POU2F2: variants seen among roughly 807,000 people sequenced by gnomAD.
The protein encoded by POU2F2 is POU class 2 homeobox 2, also known as POU domain, class 2, transcription factor 2.
A neutral mutation model predicts 63.5 loss-of-function variants in POU2F2; 14 were observed. The observed-to-expected ratio is 0.22, with a 90% CI of 0.15 to 0.34. POU2F2 has a LOEUF of 0.34. Ranked by LOEUF, POU2F2 falls within the 10% of genes least tolerant of loss-of-function variation. The pLI is 1.00. For missense variants in POU2F2, 607 were observed against 815.2 expected (o/e 0.74, Z 3.11); for synonymous variants, 306 against 348.6 (o/e 0.88, Z 1.36).
Position 42,153,576 on chromosome 19 carries a change from C to T in POU2F2, c.-9+6756G>A, listed in dbSNP as rs2034397003. 1.3e-5 allele frequency among the ~76,000 whole-genome samples: 2 copies of T among 152,252 alleles called. No homozygotes were observed. Among genetic ancestry groups the T allele is most frequent in the Non-Finnish European group, 1.5e-5 (1 of 68,014 alleles). ...CTGTGCCTGTGGGCAGCTGCGTGTGCTTCAGGGATCTGCGCGGTGGTCTCT... is the reference window on the plus strand; with the variant it reads ...CTGTGCCTGTGGGCAGCTGCGTGTGTTTCAGGGATCTGCGCGGTGGTCTCT... On this transcript the variant is annotated intron_variant, in intron 2 of 6. Coordinates refer to the POU2F2 transcript ENST00000524801. The surrounding 1 kb of genome is among the most constrained non-coding windows in gnomAD (Gnocchi z 5.6).
Position 42,099,809 on chromosome 19 carries a change from G to C in POU2F2, c.382C>G (p.Leu128Val). 6.4e-7 allele frequency: 1 copy of C among 1,568,060 alleles called. No homozygotes were observed. Among genetic ancestry groups the C allele is most frequent in the South Asian group, 1.2e-5 (1 of 86,248 alleles). The change falls in exon 6 of 15, where the codon CTC becomes GTC. Residue 128 changes from leucine (L) to valine (V), a missense_variant. Leu to Val is a conservative substitution (Grantham distance 32). This residue lies in a region of POU2F2 where 224 missense variants were observed against 264.3 expected (regional missense o/e 0.85). Transcript: ENST00000692977. ...GSQLAGDIQQ[L>V]LQLQQLVLVP... ...AGCACCAGCTGCTGGAGCTGGAGGA[G>C]CTGCTGTATGTCCTGGCAGGGAGTG...
intron 5 of POU2F2, among the ~76,000 whole-genome samples, chr19:42,111,735 C>T (rs760926851): frequency 6.6e-6 from 1 of 152,184 alleles, no homozygotes. Flanking sequence ...CCTCCTGGCT[C>T]AAGCCACCCT....
intron 2 of POU2F2, among the ~76,000 whole-genome samples, chr19:42,138,793 GA>G (rs564594735): frequency 2.8e-4 from 42 of 152,274 alleles, no homozygotes; most frequent in African/African-American, 9.4e-4. Flanking sequence ...AGTGAGAAGG[GA>G]AGCAGGGGGA....
rs189567823 is a variant in POU2F2 at position 42,111,436 on chromosome 19, C to T, written c.369+5814G>A. Among the ~76,000 whole-genome samples, 8 of 152,272 alleles carry T rather than the reference C, an allele frequency of 5.3e-5. No homozygotes were observed. The East Asian group carries it at 1.5e-3, about 29-fold the overall frequency. On this transcript the variant is annotated intron_variant, in intron 5 of 14. Transcript: ENST00000692977. ...GCCAAATTCATTCTCTTCCTGACAACTAACAACTTCCAGCTCCTGCCCAGA... is the reference window on the plus strand; with the variant it reads ...GCCAAATTCATTCTCTTCCTGACAATTAACAACTTCCAGCTCCTGCCCAGA...
intron 1 of POU2F2, among the ~76,000 whole-genome samples, chr19:42,175,534 G>A (rs947838339): frequency 9.2e-5 from 14 of 151,716 alleles, no homozygotes; most frequent in South Asian, 4.2e-4. Flanking sequence ...GATAAGGGAG[G>A]TAGAAAAAGA....
At chr19:42,101,507 C>T (rs1345168545) in intron 5 of POU2F2, among the ~76,000 whole-genome samples, 8 of 152,138 alleles carry the variant, frequency 5.3e-5, no homozygotes, top group Non-Finnish European at 1.2e-4. Flanking sequence ...AGGAGAGAGG[C>T]CTGGAACAGA....
At chr19:42,154,011 GCTC>G (rs2093837228) in intron 2 of POU2F2, among the ~76,000 whole-genome samples, 1 of 151,296 alleles carries the variant, frequency 6.6e-6, no homozygotes, top group Non-Finnish European at 1.5e-5. Flanking sequence ...CTGTACCTCT[GCTC>G]CTCAACACCC....
At chr19:42,109,839 A>G (rs555194956) in intron 5 of POU2F2, among the ~76,000 whole-genome samples, 1 of 152,210 alleles carries the variant, frequency 6.6e-6, no homozygotes, top group African/African-American at 2.4e-5. Context: ...CGAAGAAATG[A>G]TAAATATTTG....
At position 42,091,182 on chromosome 19, in the gene POU2F2, G is replaced by A; in HGVS notation, c.*75C>T. ...GAGGACCCTCTGCGTCCCCACCACT[G>A]GCCTCCTCGCCCTCTTCCCAGGCAA... On this transcript the variant is annotated 3_prime_UTR_variant, in exon 15 of 15. Transcript: ENST00000692977. The A allele has an allele frequency of 2.2e-6, 3 of 1,393,218 alleles. No homozygotes were observed. Among genetic ancestry groups the A allele is most frequent in the Non-Finnish European group, 2.8e-6 (3 of 1,053,704 alleles). The allele number at this position is 1,393,218 out of a possible 1,614,324, so 86.3% of individuals were successfully genotyped here. A position where few individuals can be genotyped will look rare whatever the true frequency, so the allele number is the denominator to read the frequency against.
chr19:42,090,204 AT>A lies in POU2F2; in HGVS notation c.*1052del, dbSNP rs79171838. 298 of 147,288 alleles carry A rather than the reference AT, an allele frequency of 2.0e-3. 1 individual carries two copies. Among genetic ancestry groups the A allele is most frequent in the Middle Eastern group, 3.6e-3 (1 of 280 alleles). The allele number at this position is 147,288 out of a possible 1,614,324, so 9.1% of individuals were successfully genotyped here. On this transcript the variant is annotated 3_prime_UTR_variant, in exon 15 of 15. Transcript: ENST00000692977. The surrounding 1 kb of genome is among the most constrained non-coding windows in gnomAD (Gnocchi z 4.4). ...CCCACGGATAGGCACTGGAATATGA[AT>A]TTTTTTTTTTTTCAGGGAAACAGAC...
chr19:42,102,591 CAA>C (rs879480456), intron 5 of POU2F2, among the ~76,000 whole-genome samples: 1 of 103,740 alleles, frequency 9.6e-6, no homozygotes. Context: ...ACCCCCATCT[CAA>C]AAAAAAAAAA....
chr19:42,106,819 A>AG, intron 5 of POU2F2, among the ~76,000 whole-genome samples: 1 of 150,722 alleles, frequency 6.6e-6, no homozygotes, highest in African/African-American at 2.4e-5. Context: ...GAGGAGGAGG[A>AG]GAAGGAGGAG....
upstream of POU2F2, among the ~76,000 whole-genome samples, chr19:42,196,935 G>A (rs956874976): frequency 6.6e-6 from 1 of 152,270 alleles, no homozygotes; most frequent in African/African-American, 2.4e-5. Flanking sequence ...AGAGAATGGG[G>A]TGGGGCCAAT....
At chr19:42,126,079 G>A (rs2146669498) in intron 1 of POU2F2, among the ~76,000 whole-genome samples, 1 of 152,274 alleles carries the variant, frequency 6.6e-6, no homozygotes, top group African/African-American at 2.4e-5. Flanking sequence ...TTGGAGATAG[G>A]GTCTTTAAAG....
rs1163700303 is a variant in POU2F2, at chr19:42,174,947, G to A, written c.-70+1016C>T. ...AGGCCCCAGGAAGGAGGCAGAAAGT[G>A]GGGAGTGGTCATCAGGCCAAAGGCT... On this transcript the variant is annotated intron_variant, in intron 1 of 6. Coordinates refer to the POU2F2 transcript ENST00000524801. 4.6e-5 allele frequency among the ~76,000 whole-genome samples: 7 copies of A among 152,288 alleles called. No homozygotes were observed. The South Asian group carries it at 1.5e-3, about 32-fold the overall frequency.
chr19:42,166,784 G>T (rs2034660399), intron 1 of POU2F2, among the ~76,000 whole-genome samples: 1 of 152,108 alleles, frequency 6.6e-6, no homozygotes, highest in Admixed American at 6.5e-5. Context: ...TCAGGTAGGA[G>T]GTGGACTCAC....
intron 1 of POU2F2, among the ~76,000 whole-genome samples, chr19:42,185,291 T>C (rs2035001180): frequency 6.6e-6 from 1 of 152,078 alleles, no homozygotes; most frequent in Non-Finnish European, 1.5e-5. Context: ...ATGAATCTCC[T>C]TACTACCTGG....
chr19:42,117,428 C>T lies in POU2F2; in HGVS notation c.191G>A (p.Gly64Asp). The T allele has an allele frequency of 2.5e-6, 3 of 1,215,916 alleles. No individual in the cohort carries two copies. The highest frequency in any genetic ancestry group is 2.3e-5 in the Admixed American group (1 of 44,360). The allele number at this position is 1,215,916 out of a possible 1,614,324, so 75.3% of individuals were successfully genotyped here. The change falls in exon 5 of 15, where the codon GGC (glycine) becomes GAC (aspartate). Residue 64 changes from glycine (G) to aspartate (D), a missense_variant. By Grantham distance (94) the Gly-to-Asp change is moderately conservative (BLOSUM62 -1). Coordinates refer to ENST00000692977, the MANE Select transcript of POU2F2 (RefSeq NM_001394376.1). The surrounding 1 kb of genome is among the most constrained non-coding windows in gnomAD (Gnocchi z 4.4). ...TGTTAAGTGGAGGCCAGAGAGAATGCCCACCTGTGAACCAAAGAGAGGGCA... is the reference window on the plus strand; with the variant it reads ...TGTTAAGTGGAGGCCAGAGAGAATGTCCACCTGTGAACCAAAGAGAGGGCA... ...VSPTGPSTKV[G>D]ILSGLHLTFW...
chr19:42,091,842 G>A, intron 14 of POU2F2, 25 bp downstream of exon 14: 1 of 1,539,388 alleles, frequency 6.5e-7, no homozygotes, highest in Non-Finnish European at 8.7e-7. Context: ...TGGTGACGAT[G>A]GGTGTGACAT....
Sources: gnomAD v4.1 joint callset for allele counts (sites outside exome capture counted in the v4.1 genomes callset) on GRCh38, gnomAD v4.1.1 for gene constraint, gnomAD v4.1.1 regional missense constraint, Gnocchi (gnomAD v3.1) non-coding constraint, MANE v1.5 for transcripts, NCBI Gene and HGNC (gene_info 2026-07-23, HGNC 2026-07-21) for gene names.